PRELID2: variants seen among roughly 807,000 people sequenced by gnomAD.
PRELID2 encodes PRELI domain-containing protein 2.
A neutral mutation model predicts 28.4 loss-of-function variants in PRELID2; 25 were observed. The observed-to-expected ratio is 0.88, with a 90% CI of 0.64 to 1.23. The LOEUF is 1.23. Among genes scored for constraint, PRELID2 ranks in the 50% most tolerant of loss-of-function variants. The pLI is 0.00. For synonymous variants in PRELID2, 76 were observed against 71.6 expected (o/e 1.06, Z -0.31); for missense variants, 201 against 214.4 (o/e 0.94, Z 0.39).
At chr5:145,350,219 G>C in the PRELID2 span, among the ~76,000 whole-genome samples, 1 of 152,160 alleles carries the variant, frequency 6.6e-6, no homozygotes, top group Non-Finnish European at 1.5e-5. Context: ...AATCATAATA[G>C]TCTTTAACAC....
At chr5:145,546,247 A>T (rs537748179) in intron 1 of PRELID2, among the ~76,000 whole-genome samples, 10 of 152,302 alleles carry the variant, frequency 6.6e-5, no homozygotes, top group African/African-American at 2.2e-4. Context: ...ATTTCTCTGA[A>T]AAATTAACAG....
At chr5:145,766,701 T>C (rs1757783448) in intron 5 of PRELID2, among the ~76,000 whole-genome samples, 1 of 152,028 alleles carries the variant, frequency 6.6e-6, no homozygotes, top group African/African-American at 2.4e-5. Context: ...CTGTCAGAGG[T>C]AGGAGACCTG....
At chr5:145,729,353 G>A in intron 1 of PRELID2, 1 of 681,720 alleles carries the variant, frequency 1.5e-6, no homozygotes, top group Non-Finnish European at 2.4e-6. Context: ...TCATGCCTCT[G>A]TTCTCATTAA....
chr5:145,513,493 A>G (rs1403961398), intron 1 of PRELID2, among the ~76,000 whole-genome samples: 1 of 152,126 alleles, frequency 6.6e-6, no homozygotes, highest in African/African-American at 2.4e-5. Flanking sequence ...CTATGTGAAA[A>G]GACCGAATCT....
intron 1 of PRELID2, among the ~76,000 whole-genome samples, chr5:145,677,297 G>A (rs1469891575): frequency 6.6e-6 from 1 of 151,426 alleles, no homozygotes; most frequent in African/African-American, 2.4e-5. Flanking sequence ...TGGGACTACT[G>A]CCGTGTGCCA....
At chr5:145,245,061 C>T in the PRELID2 span, among the ~76,000 whole-genome samples, 2 of 152,028 alleles carry the variant, frequency 1.3e-5, no homozygotes, top group Admixed American at 1.3e-4. Context: ...TCATTGACGT[C>T]ACTATAGCAA....
the PRELID2 span, among the ~76,000 whole-genome samples, chr5:145,333,872 G>A: frequency 3.3e-3 from 495 of 151,290 alleles, 5 homozygotes; most frequent in East Asian, 0.04. Context: ...CCAAACGGTC[G>A]CCCAGTTTTG....
the PRELID2 span, among the ~76,000 whole-genome samples, chr5:145,351,696 A>T: frequency 6.6e-6 from 1 of 152,154 alleles, no homozygotes; most frequent in Admixed American, 6.5e-5. Flanking sequence ...CAAAAGTCCA[A>T]GTCCCAGGTC....
chr5:145,397,076 G>T, the PRELID2 span, among the ~76,000 whole-genome samples: 2 of 152,102 alleles, frequency 1.3e-5, no homozygotes, highest in African/African-American at 4.8e-5. Context: ...CTACCACTAA[G>T]CCCAGAGCAC....
intron 4 of PRELID2, among the ~76,000 whole-genome samples, chr5:145,814,422 C>T (rs1236582529): frequency 6.6e-6 from 1 of 152,122 alleles, no homozygotes; most frequent in Admixed American, 6.6e-5. Flanking sequence ...CTATGTGAAA[C>T]TCTTATCATG....
At chr5:145,775,189 G>A (rs1372731767) in intron 5 of PRELID2, among the ~76,000 whole-genome samples, 1 of 151,474 alleles carries the variant, frequency 6.6e-6, no homozygotes, top group African/African-American at 2.4e-5. Context: ...GCAGTGAGCC[G>A]AAATCAAGCC....
chr5:145,717,647 T>A (rs1267068807), intron 1 of PRELID2, among the ~76,000 whole-genome samples: 1 of 151,192 alleles, frequency 6.6e-6, no homozygotes, highest in East Asian at 1.9e-4. Flanking sequence ...ACAATTTTAT[T>A]TCTTGTATTA....
At chr5:145,603,752 G>A (rs2149639562) in intron 1 of PRELID2, among the ~76,000 whole-genome samples, 1 of 151,924 alleles carries the variant, frequency 6.6e-6, no homozygotes, top group African/African-American at 2.4e-5. Context: ...TTTGGGAGGG[G>A]GTAAATATGT....
the PRELID2 span, among the ~76,000 whole-genome samples, chr5:145,411,080 G>A: frequency 6.6e-6 from 1 of 152,128 alleles, no homozygotes; most frequent in Non-Finnish European, 1.5e-5. Flanking sequence ...CATTGTATTA[G>A]TCTGTTTTCA....
chr5:145,397,608 A>T, the PRELID2 span, among the ~76,000 whole-genome samples: 1 of 152,190 alleles, frequency 6.6e-6, no homozygotes, highest in East Asian at 1.9e-4. Flanking sequence ...TTCTGCTCTG[A>T]GAGCTAACTA....
At chr5:145,720,746 C>T (rs1482681407) in intron 1 of PRELID2, among the ~76,000 whole-genome samples, 1 of 151,392 alleles carries the variant, frequency 6.6e-6, no homozygotes, top group Non-Finnish European at 1.5e-5. Flanking sequence ...AGAAAAATAA[C>T]ATAAAATGTC....
At chr5:145,570,985 A>G (rs2149617520) in intron 1 of PRELID2, among the ~76,000 whole-genome samples, 1 of 152,370 alleles carries the variant, frequency 6.6e-6, no homozygotes, top group Non-Finnish European at 1.5e-5. Flanking sequence ...TTCTTTAAAC[A>G]TGCTGGGCTC....
chr5:145,740,039 T>A (rs1423827247), intron 1 of PRELID2, among the ~76,000 whole-genome samples: 2 of 150,710 alleles, frequency 1.3e-5, no homozygotes, highest in Non-Finnish European at 3.0e-5. Flanking sequence ...AGTCATAAAC[T>A]GGAAGAGTGG....
At chr5:145,824,425 C>CGTGTGTGT (rs369429281) in intron 1 of PRELID2, among the ~76,000 whole-genome samples, 3,134 of 96,192 alleles carry the variant, frequency 0.033, 76 homozygotes, top group African/African-American at 0.056. Flanking sequence ...CCACAGCAGG[C>CGTGTGTGT]GTGTGTGTGT....
Sources: allele counts gnomAD v4.1 joint callset (sites outside exome capture counted in the v4.1 genomes callset), GRCh38; gene constraint gnomAD v4.1.1; transcripts MANE v1.5; gene names NCBI Gene and HGNC (gene_info 2026-07-23, HGNC 2026-07-21).